DNAJC8: variants seen among roughly 807,000 people sequenced by gnomAD.
DNAJC8 encodes DnaJ heat shock protein family (Hsp40) member C8.
DNAJC8 carries 24 observed loss-of-function variants against 43.2 expected under a neutral mutation model. That is an observed-to-expected ratio of 0.56 (90% CI 0.40 to 0.78). The LOEUF (loss-of-function observed/expected upper bound fraction) is 0.78, where lower values mean the gene tolerates loss of function less well. Among genes scored for constraint, DNAJC8 ranks in the 30% least tolerant of loss-of-function variants. The pLI, the probability that DNAJC8 is intolerant of heterozygous loss-of-function variation, is 0.00. For synonymous variants in DNAJC8, 83 were observed against 98.0 expected, an observed-to-expected ratio of 0.85 and a Z score of 0.90; for missense variants, 207 against 299.4, an observed-to-expected ratio of 0.69 and a Z score of 2.28.
At chr1:28,216,250 CCA>C (rs1426817588) in intron 2 of DNAJC8, among the ~76,000 whole-genome samples, 2 of 152,104 alleles carry the variant, frequency 1.3e-5, no homozygotes, top group African/African-American at 4.8e-5. Context: ...TCAGTGCGCC[CCA>C]CTCTCATAAC....
intron 8 of DNAJC8, 80 bp downstream of exon 8, chr1:28,203,667 C>T: frequency 7.2e-7 from 1 of 1,380,056 alleles, no homozygotes; most frequent in Non-Finnish European, 1.0e-6. Flanking sequence ...CTCTGACTGC[C>T]CCACTCAGTC....
intron 8 of DNAJC8, among the ~76,000 whole-genome samples, chr1:28,202,797 T>G (rs1646745869): frequency 6.6e-6 from 1 of 151,360 alleles, no homozygotes; most frequent in Admixed American, 6.6e-5. Context: ...TTAGCCAGGA[T>G]GGTCTCAATC....
intron 2 of DNAJC8, among the ~76,000 whole-genome samples, chr1:28,223,346 A>C (rs1646911632): frequency 6.6e-6 from 1 of 152,142 alleles, no homozygotes; most frequent in African/African-American, 2.4e-5. Flanking sequence ...ATGATCAGTG[A>C]AAAGGGCCCC....
At chr1:28,204,825 C>T (rs1380113241) in intron 7 of DNAJC8, among the ~76,000 whole-genome samples, 1 of 152,130 alleles carries the variant, frequency 6.6e-6, no homozygotes, top group African/African-American at 2.4e-5. Flanking sequence ...GAGATCGAGA[C>T]CATCCTGGCC....
intron 3 of DNAJC8, among the ~76,000 whole-genome samples, chr1:28,211,151 C>T (rs1646807956): frequency 6.7e-6 from 1 of 149,060 alleles, no homozygotes; most frequent in South Asian, 2.1e-4. Context: ...AAGTGAGACC[C>T]TGTCTCCAGG....
chr1:28,223,448 T>A (rs1399592557), intron 2 of DNAJC8, among the ~76,000 whole-genome samples: 1 of 151,472 alleles, frequency 6.6e-6, no homozygotes, highest in Non-Finnish European at 1.5e-5. Context: ...GTGAGAAAGG[T>A]TTTTGCATAG....
chr1:28,205,240 G>T lies in DNAJC8; in HGVS notation c.563+18C>A, dbSNP rs759732267. 7 of 1,569,960 alleles carry T rather than the reference G, an allele frequency of 4.5e-6. No homozygotes were observed. The highest frequency in any genetic ancestry group is 2.2e-4 in the Middle Eastern group (1 of 4,574). Reference sequence around the variant, plus strand: ...CTAGGTATTTAAATATGGTTTAAATGAATATACTGATATGTACCTTTCATG... The same window carrying T: ...CTAGGTATTTAAATATGGTTTAAATTAATATACTGATATGTACCTTTCATG... On this transcript the variant is annotated intron_variant, in intron 7 of 8. Coordinates refer to ENST00000263697, the MANE Select transcript of DNAJC8 (RefSeq NM_014280.3).
chr1:28,227,176 C>T (rs1267757058), intron 2 of DNAJC8, among the ~76,000 whole-genome samples: 4 of 138,256 alleles, frequency 2.9e-5, no homozygotes, highest in African/African-American at 8.1e-5. Flanking sequence ...TGGGAGGCCG[C>T]GACAGGTGGA....
intron 8 of DNAJC8, 71 bp downstream of exon 8, chr1:28,203,676 T>A: frequency 6.8e-7 from 1 of 1,479,518 alleles, no homozygotes; most frequent in South Asian, 1.1e-5. Flanking sequence ...CCCCACTCAG[T>A]CCTGGGAGCG....
intron 3 of DNAJC8, among the ~76,000 whole-genome samples, chr1:28,212,164 AATAAATATATATATATATATAT>A (rs1179037633): frequency 2.3e-4 from 7 of 30,564 alleles, no homozygotes; most frequent in Non-Finnish European, 3.9e-4. Flanking sequence ...TCAATAAATA[AATAAATATATATATATATATAT>A]ATATATATAT....
intron 4 of DNAJC8, 174 bp downstream of exon 4, chr1:28,210,397 T>C: frequency 3.3e-6 from 2 of 606,956 alleles, no homozygotes; most frequent in Admixed American, 3.3e-5. Context: ...AGTTAAGGTC[T>C]ACTTCTTAAA....
intron 7 of DNAJC8, among the ~76,000 whole-genome samples, 199 bp downstream of exon 7, chr1:28,205,059 C>T (rs1193431173): frequency 2.0e-5 from 3 of 152,074 alleles, no homozygotes; most frequent in Non-Finnish European, 4.4e-5. Flanking sequence ...TAAGGACAGA[C>T]CTATTCAATA....
Position 28,228,914 on chromosome 1 carries a change from C to A in DNAJC8, c.180+8G>T. 2 of 1,610,694 alleles carry A rather than the reference C, an allele frequency of 1.2e-6. No homozygotes were observed. Among genetic ancestry groups the A allele is most frequent in the Non-Finnish European group, 1.7e-6 (2 of 1,178,768 alleles). On this transcript the variant is annotated splice_region_variant and intron_variant, in intron 2 of 8. Transcript: ENST00000263697. ...TTACAGAGGCCCTAGCAACATCAATCGGCTCACCTCAAATGGGTTCAAATT... is the reference window on the plus strand; with the variant it reads ...TTACAGAGGCCCTAGCAACATCAATAGGCTCACCTCAAATGGGTTCAAATT...
At chr1:28,207,182 A>G (rs1458913795) in intron 6 of DNAJC8, among the ~76,000 whole-genome samples, 9 of 151,976 alleles carry the variant, frequency 5.9e-5, no homozygotes, top group Non-Finnish European at 1.5e-5. Context: ...GTTTGAGATC[A>G]GCCTGACCAA....
At chr1:28,219,228 G>A in intron 2 of DNAJC8, among the ~76,000 whole-genome samples, 1 of 152,002 alleles carries the variant, frequency 6.6e-6, no homozygotes, top group Admixed American at 6.5e-5. Flanking sequence ...CCTAAAATTG[G>A]CCAGGTGTGG....
At chr1:28,219,377 C>T (rs1209949220) in intron 2 of DNAJC8, among the ~76,000 whole-genome samples, 6 of 152,118 alleles carry the variant, frequency 3.9e-5, no homozygotes, top group Non-Finnish European at 7.4e-5. Context: ...GGTGTGGTGG[C>T]GGGCGCCTGT....
chr1:28,231,716 T>G (rs993497028), intron 1 of DNAJC8, among the ~76,000 whole-genome samples: 2 of 140,508 alleles, frequency 1.4e-5, no homozygotes, highest in Non-Finnish European at 3.0e-5. Context: ...AACTCCGCCT[T>G]AGGAAAAAAA....
At chr1:28,205,466 G>A in intron 6 of DNAJC8, 117 bp from the exon 7 acceptor site, 1 of 689,160 alleles carries the variant, frequency 1.5e-6, no homozygotes. Context: ...CACAGGCTGT[G>A]CACCGTGGCT....
At chr1:28,223,567 T>G (rs1646913367) in intron 2 of DNAJC8, among the ~76,000 whole-genome samples, 1 of 152,042 alleles carries the variant, frequency 6.6e-6, no homozygotes, top group African/African-American at 2.4e-5. Context: ...TAAGTAAATG[T>G]AGATATTAAA....
Sources: allele counts gnomAD v4.1 joint callset (sites outside exome capture counted in the v4.1 genomes callset), GRCh38; gene constraint gnomAD v4.1.1; transcripts MANE v1.5; gene names NCBI Gene and HGNC (gene_info 2026-07-23, HGNC 2026-07-21).